UNC5D: variants seen among roughly 807,000 people sequenced by gnomAD.
The protein encoded by UNC5D is unc-5 netrin receptor D.
Under a neutral mutation model 105.4 loss-of-function variants are expected in UNC5D, and 39 were observed. The ratio of observed to expected loss-of-function variants is 0.37; its 90% CI spans 0.29 to 0.48. The LOEUF (loss-of-function observed/expected upper bound fraction) is 0.48, where lower values mean the gene tolerates loss of function less well. Ranked by LOEUF, UNC5D falls within the 20% of genes least tolerant of loss-of-function variation. The pLI is 0.98. For missense variants in UNC5D, 991 were observed against 1,202.4 expected, an observed-to-expected ratio of 0.82 and a Z score of 2.60; for synonymous variants, 452 against 450.4, an observed-to-expected ratio of 1.00 and a Z score of -0.04.
At chr8:35,490,009 A>T (rs899590616) in intron 1 of UNC5D, among the ~76,000 whole-genome samples, 1 of 152,254 alleles carries the variant, frequency 6.6e-6, no homozygotes, top group Admixed American at 6.5e-5. Flanking sequence ...ATCACTATTC[A>T]TATACAAATC....
Position 35,351,764 on chromosome 8 carries a change from G to T in UNC5D, c.103+115877G>T, listed in dbSNP as rs559718109. Among the ~76,000 whole-genome samples the T allele has an allele frequency of 4.6e-4, 70 of 152,200 alleles. 1 individual carries two copies. In the South Asian group the frequency reaches 6.4e-3, roughly 14 times the overall value. On this transcript the variant is annotated intron_variant, in intron 1 of 16. Coordinates refer to ENST00000404895, the MANE Select transcript of UNC5D (RefSeq NM_080872.4). ...TTTAGTAGAATTGTATATGATAAGG[G>T]TTTAATTTTATTTTTAAAGTTATTG...
At chr8:35,683,237 A>C (rs1222388836) in intron 4 of UNC5D, among the ~76,000 whole-genome samples, 2 of 152,210 alleles carry the variant, frequency 1.3e-5, no homozygotes, top group Non-Finnish European at 2.9e-5. Context: ...CGTTGTAATG[A>C]AATGAAATGG....
intron 4 of UNC5D, among the ~76,000 whole-genome samples, chr8:35,657,701 G>C (rs567990336): frequency 6.6e-6 from 1 of 152,066 alleles, no homozygotes; most frequent in Non-Finnish European, 1.5e-5. Context: ...GCACAACCTG[G>C]TCTCAAACTT....
In UNC5D at chr8:35,790,905, T is replaced by G. The variant is rs1803010360; in HGVS notation, c.*342T>G. On this transcript the variant is annotated 3_prime_UTR_variant, in exon 17 of 17. Coordinates refer to ENST00000404895, the MANE Select transcript of UNC5D (RefSeq NM_080872.4). ...GGAAGGCAGAGATTGATTAAGTGCA[T>G]GCTTTGAAATAGGTTTTTAATGATG... 1 of 292,246 alleles carries G rather than the reference T, an allele frequency of 3.4e-6. No homozygotes were observed. The highest frequency in any genetic ancestry group is 6.5e-6 in the Non-Finnish European group (1 of 154,072). 18.1% of individuals were successfully genotyped at this position (292,246 alleles called of 1,614,324 possible).
intron 1 of UNC5D, among the ~76,000 whole-genome samples, chr8:35,347,491 C>T (rs966842891): frequency 1.3e-5 from 2 of 151,902 alleles, no homozygotes; most frequent in African/African-American, 2.4e-5. Flanking sequence ...GAGTTCCCCT[C>T]GGAATATCAA....
chr8:35,685,439 T>C (rs1410342586), intron 6 of UNC5D, among the ~76,000 whole-genome samples: 1 of 152,160 alleles, frequency 6.6e-6, no homozygotes, highest in Non-Finnish European at 1.5e-5. Context: ...GAGAAATAAA[T>C]TGACCCTGGG....
At chr8:35,521,445 T>C (rs993858820) in intron 1 of UNC5D, among the ~76,000 whole-genome samples, 1 of 152,152 alleles carries the variant, frequency 6.6e-6, no homozygotes, top group Admixed American at 6.5e-5. Flanking sequence ...TTTTAGGAAA[T>C]CATGAAAAGG....
chr8:35,620,063 A>G (rs1821264219), intron 4 of UNC5D, among the ~76,000 whole-genome samples: 1 of 152,166 alleles, frequency 6.6e-6, no homozygotes, highest in African/African-American at 2.4e-5. Flanking sequence ...AAAAGTAGCA[A>G]CAAAAGAGGG....
At chr8:35,689,275 A>AT (rs1331936439) in intron 7 of UNC5D, among the ~76,000 whole-genome samples, 1 of 152,146 alleles carries the variant, frequency 6.6e-6, no homozygotes, top group Non-Finnish European at 1.5e-5. Flanking sequence ...CACAAATATT[A>AT]TTTTTTTGCA....
intron 8 of UNC5D, among the ~76,000 whole-genome samples, chr8:35,706,688 C>T (rs1156258662): frequency 1.3e-5 from 2 of 152,104 alleles, no homozygotes; most frequent in Non-Finnish European, 2.9e-5. Context: ...CCTCAGGTGA[C>T]TCCAAGGTGC....
intron 2 of UNC5D, among the ~76,000 whole-genome samples, chr8:35,550,466 A>G (rs1816043113): frequency 6.6e-6 from 1 of 152,188 alleles, no homozygotes; most frequent in African/African-American, 2.4e-5. Context: ...TGGTCAACTC[A>G]CTAGATATCC....
intron 14 of UNC5D, among the ~76,000 whole-genome samples, chr8:35,761,464 A>G (rs1024047113): frequency 6.6e-6 from 1 of 152,200 alleles, no homozygotes; most frequent in African/African-American, 2.4e-5. Flanking sequence ...CAGAGGGTAC[A>G]AGAGGACCAG....
chr8:35,601,794 C>A (rs573886178), intron 4 of UNC5D, among the ~76,000 whole-genome samples: 2 of 152,054 alleles, frequency 1.3e-5, no homozygotes, highest in African/African-American at 2.4e-5. Context: ...CCTTTATTTC[C>A]TTCTCCTGCC....
At chr8:35,248,332 T>C (rs868610837) in intron 1 of UNC5D, among the ~76,000 whole-genome samples, 1 of 109,900 alleles carries the variant, frequency 9.1e-6, no homozygotes, top group African/African-American at 3.8e-5. Context: ...TTATATAAAA[T>C]ATATAATATA....
intron 1 of UNC5D, among the ~76,000 whole-genome samples, chr8:35,342,806 G>A (rs1040769160): frequency 4.6e-5 from 7 of 152,040 alleles, no homozygotes; most frequent in Non-Finnish European, 8.8e-5. Flanking sequence ...ACAATTTGGC[G>A]AACATTCCCA....
At chr8:35,465,145 C>T (rs1320682629) in intron 1 of UNC5D, among the ~76,000 whole-genome samples, 4 of 152,358 alleles carry the variant, frequency 2.6e-5, no homozygotes, top group African/African-American at 9.6e-5. Flanking sequence ...AATCCTAACA[C>T]TTTGGGAGGC....
intron 1 of UNC5D, among the ~76,000 whole-genome samples, chr8:35,404,347 G>A (rs1282855521): frequency 1.3e-5 from 2 of 152,146 alleles, no homozygotes; most frequent in Non-Finnish European, 2.9e-5. Context: ...ACACCCAGCA[G>A]CAGGGTTTGA....
chr8:35,338,861 A>G (rs963210883), intron 1 of UNC5D, among the ~76,000 whole-genome samples: 7 of 152,080 alleles, frequency 4.6e-5, no homozygotes, highest in Non-Finnish European at 8.8e-5. Context: ...CCTTCACAGG[A>G]TCAGGCCCTT....
intron 1 of UNC5D, among the ~76,000 whole-genome samples, chr8:35,419,577 G>A (rs908380284): frequency 6.6e-5 from 10 of 152,138 alleles, no homozygotes; most frequent in Non-Finnish European, 1.3e-4. Context: ...AGCCCCCAAG[G>A]GCTGTTACAG....
Sources: allele counts gnomAD v4.1 joint callset (sites outside exome capture counted in the v4.1 genomes callset), GRCh38; gene constraint gnomAD v4.1.1; transcripts MANE v1.5; gene names NCBI Gene and HGNC (gene_info 2026-07-23, HGNC 2026-07-21).